The following SGCZ variants were observed in gnomAD, a reference collection of about 807,000 sequenced individuals.
SGCZ encodes the protein sarcoglycan zeta.
SGCZ carries 40 observed loss-of-function variants against 41.3 expected under a neutral mutation model. The observed-to-expected ratio is 0.97, with a 90% confidence interval of 0.75 to 1.26. The LOEUF (loss-of-function observed/expected upper bound fraction) is 1.26, where lower values mean the gene tolerates loss of function less well. Among genes scored for constraint, SGCZ ranks in the 50% most tolerant of loss-of-function variants. SGCZ has a pLI of 0.00. For missense variants in SGCZ, 552 were observed against 369.8 expected (o/e 1.49, Z -4.04); for synonymous variants, 206 against 137.5 (o/e 1.50, Z -3.49).
intron 4 of SGCZ, among the ~76,000 whole-genome samples, chr8:14,211,834 C>T (rs1194265520): frequency 6.6e-6 from 1 of 152,108 alleles, no homozygotes; most frequent in Non-Finnish European, 1.5e-5. Context: ...AAATCCAAAT[C>T]ATATCAGATT....
In SGCZ at chr8:14,105,109, A is replaced by G. The variant is rs566474590; in HGVS notation, c.621-2610T>C. Among the ~76,000 whole-genome samples the G allele has an allele frequency of 1.2e-3, 180 of 152,180 alleles. 1 individual carries two copies. The highest frequency in any genetic ancestry group is 4.1e-3 in the African/African-American group (172 of 41,568). On this transcript the variant is annotated intron_variant, in intron 6 of 7. Transcript: ENST00000382080. ...ATTTACTGTTATGTCTTTGTTAACT[A>G]TTTAACATGTTTTTTTTAGCCTTTT...
At chr8:15,160,652 T>C (rs958317134) in intron 1 of SGCZ, among the ~76,000 whole-genome samples, 1 of 152,176 alleles carries the variant, frequency 6.6e-6, no homozygotes, top group African/African-American at 2.4e-5. Flanking sequence ...ATTAAAACTA[T>C]ACATTAAAGC....
chr8:14,271,688 C>G (rs983887701), intron 3 of SGCZ, among the ~76,000 whole-genome samples: 2 of 152,158 alleles, frequency 1.3e-5, no homozygotes, highest in African/African-American at 4.8e-5. Flanking sequence ...AGATCAACCT[C>G]CTTGACTGGG....
rs147274666 is a variant in SGCZ, at chr8:14,360,400, G to T, written c.235-36196C>A. ...CCAGACTGGAGCATGATCTCAACTCGCTGTAACCTCCGCCTCCTAGGTTCA... is the reference window on the plus strand; with the variant it reads ...CCAGACTGGAGCATGATCTCAACTCTCTGTAACCTCCGCCTCCTAGGTTCA... On this transcript the variant is annotated intron_variant, in intron 2 of 7. Transcript: ENST00000382080. Among the ~76,000 whole-genome samples, 1,345 of 151,050 alleles carry T rather than the reference G, an allele frequency of 8.9e-3. 13 individuals carry two copies. The highest frequency in any genetic ancestry group is 0.021 in the South Asian group (98 of 4,764).
chr8:15,014,573 G>A (rs906258917), intron 1 of SGCZ, among the ~76,000 whole-genome samples: 26 of 152,270 alleles, frequency 1.7e-4, no homozygotes, highest in African/African-American at 5.8e-4. Context: ...GAAACATGAG[G>A]CTCTGGTCAT....
At chr8:14,442,566 C>G (rs1299616317) in intron 2 of SGCZ, among the ~76,000 whole-genome samples, 1 of 152,146 alleles carries the variant, frequency 6.6e-6, no homozygotes, top group Admixed American at 6.6e-5. Context: ...TTAAATTCAC[C>G]TGGTGGGTAA....
chr8:14,976,484 G>A (rs1444674172), intron 1 of SGCZ, among the ~76,000 whole-genome samples: 2 of 151,862 alleles, frequency 1.3e-5, no homozygotes, highest in Admixed American at 1.3e-4. Flanking sequence ...TTTTTAACTT[G>A]TTAGATGTAT....
At chr8:14,209,784 A>T (rs1805739687) in intron 4 of SGCZ, among the ~76,000 whole-genome samples, 1 of 152,136 alleles carries the variant, frequency 6.6e-6, no homozygotes, top group South Asian at 2.1e-4. Context: ...GATCAAAGTT[A>T]CGTTGGTATT....
chr8:14,846,804 T>G (rs1304814877), intron 1 of SGCZ, among the ~76,000 whole-genome samples: 1 of 150,978 alleles, frequency 6.6e-6, no homozygotes, highest in African/African-American at 2.4e-5. Flanking sequence ...AAGCAGTGGC[T>G]CACTCCTGTA....
chr8:14,504,121 C>T (rs981925100), intron 2 of SGCZ, among the ~76,000 whole-genome samples: 2 of 152,026 alleles, frequency 1.3e-5, no homozygotes, highest in African/African-American at 4.8e-5. Context: ...TATTTCATGA[C>T]TGATGACAAA....
At position 14,574,861 on chromosome 8, in the gene SGCZ, T is replaced by A. The variant is rs536940698; in HGVS notation, c.40-19935A>T. Among the ~76,000 whole-genome samples, 4 of 152,202 alleles carry A rather than the reference T, an allele frequency of 2.6e-5. No individual in the cohort carries two copies. The South Asian group carries it at 8.3e-4, about 32-fold the overall frequency. ...AAACAGGAATGCAAAACTCATACAG[T>A]GAATTTGGAGAAAACTGAGCAACAC... On this transcript the variant is annotated intron_variant, in intron 1 of 7. Coordinates refer to ENST00000382080, the MANE Select transcript of SGCZ (RefSeq NM_139167.4).
At chr8:15,111,068 C>G (rs983891132) in intron 1 of SGCZ, among the ~76,000 whole-genome samples, 2 of 152,104 alleles carry the variant, frequency 1.3e-5, no homozygotes, top group Non-Finnish European at 2.9e-5. Context: ...GGCAGAGAAC[C>G]TAAGGCCAAT....
chr8:14,481,148 A>G (rs1263143832), intron 2 of SGCZ, among the ~76,000 whole-genome samples: 2 of 151,622 alleles, frequency 1.3e-5, no homozygotes, highest in Non-Finnish European at 2.9e-5. Context: ...CACAAATGAT[A>G]CACACATTAT....
chr8:14,776,694 C>T lies in SGCZ; in HGVS notation c.40-221768G>A, dbSNP rs537685258. Among the ~76,000 whole-genome samples, 4 of 151,798 alleles carry T rather than the reference C, an allele frequency of 2.6e-5. No individual in the cohort carries two copies. The South Asian group carries it at 6.2e-4, about 24-fold the overall frequency. ...ATTTTTAGTAGAGGCGGGGTTTCAC[C>T]GTGTTAGCCAGGATGGTCTCCATCT... On this transcript the variant is annotated intron_variant, in intron 1 of 7. Coordinates refer to ENST00000382080, the MANE Select transcript of SGCZ (RefSeq NM_139167.4).
chr8:14,287,444 G>GGA (rs1800679826), intron 3 of SGCZ, among the ~76,000 whole-genome samples: 1 of 151,448 alleles, frequency 6.6e-6, no homozygotes, highest in Non-Finnish European at 1.5e-5. Context: ...CTGTCTGGTG[G>GGA]AAAAAAAGTG....
chr8:14,124,196 A>G (rs919893589), intron 5 of SGCZ, among the ~76,000 whole-genome samples: 4 of 152,234 alleles, frequency 2.6e-5, no homozygotes, highest in Non-Finnish European at 5.9e-5. Context: ...CAGCACCAAG[A>G]AATTAATACA....
chr8:14,325,737 CACACACACACATATATATATATATAT>C (rs1191848529), intron 2 of SGCZ, among the ~76,000 whole-genome samples: 8 of 31,312 alleles, frequency 2.6e-4, no homozygotes, highest in South Asian at 1.3e-3. Flanking sequence ...CACACACACA[CACACACACACATATATATATATATAT>C]ATATATATAT....
chr8:14,462,437 C>T (rs900807952), intron 2 of SGCZ, among the ~76,000 whole-genome samples: 1 of 151,902 alleles, frequency 6.6e-6, no homozygotes, highest in Non-Finnish European at 1.5e-5. Flanking sequence ...CTATCATTAT[C>T]GTTTGTCTCT....
intron 2 of SGCZ, among the ~76,000 whole-genome samples, chr8:14,432,914 C>CAAAAAAAAAAA (rs767979164): frequency 1.1e-4 from 8 of 75,604 alleles, no homozygotes; most frequent in African/African-American, 5.0e-4. Context: ...ACTGTGTCTC[C>CAAAAAAAAAAA]AAAAAAAAAA....
Sources: allele counts gnomAD v4.1 joint callset (sites outside exome capture counted in the v4.1 genomes callset), GRCh38; gene constraint gnomAD v4.1.1; transcripts MANE v1.5; gene names NCBI Gene and HGNC (gene_info 2026-07-23, HGNC 2026-07-21).